Variants in RGS6 observed in about 807,000 individuals in gnomAD.
The protein encoded by RGS6 is regulator of G-protein signaling 6.
RGS6 carries 30 observed loss-of-function variants against 78.5 expected under a neutral mutation model. The observed-to-expected ratio is 0.38, with a 90% CI of 0.29 to 0.52. RGS6 has a LOEUF of 0.52. Among genes scored for constraint, RGS6 ranks in the 20% least tolerant of loss-of-function variants. The pLI, the probability that RGS6 is intolerant of heterozygous loss-of-function variation, is 0.85. For synonymous variants in RGS6, 206 were observed against 206.0 expected (o/e 1.00, Z 0.00); for missense variants, 495 against 609.7 (o/e 0.81, Z 1.98).
At chr14:72,112,970 T>G (rs970053542) in intron 2 of RGS6, among the ~76,000 whole-genome samples, 3 of 152,254 alleles carry the variant, frequency 2.0e-5, no homozygotes, top group Non-Finnish European at 2.9e-5. Context: ...AGTTCTCTTA[T>G]GGGTTGTCCC....
At chr14:72,601,088 G>A in the RGS6 span, among the ~76,000 whole-genome samples, 1 of 151,914 alleles carries the variant, frequency 6.6e-6, no homozygotes, top group African/African-American at 2.4e-5. Context: ...AAGAAGGGGA[G>A]GAAAGGGAAT....
intron 2 of RGS6, among the ~76,000 whole-genome samples, chr14:72,240,886 C>G (rs575667650): frequency 6.6e-6 from 1 of 152,110 alleles, no homozygotes; most frequent in Non-Finnish European, 1.5e-5. Flanking sequence ...TGGCCAGGCG[C>G]GGTGGCTCAC....
At chr14:72,354,397 G>T (rs1021843079) in intron 3 of RGS6, among the ~76,000 whole-genome samples, 2 of 151,554 alleles carry the variant, frequency 1.3e-5, no homozygotes, top group African/African-American at 4.9e-5. Context: ...AGGCTGAGGT[G>T]GGTGGATCAC....
At chr14:72,284,221 AT>A (rs2062081823) in intron 2 of RGS6, among the ~76,000 whole-genome samples, 1 of 152,234 alleles carries the variant, frequency 6.6e-6, no homozygotes, top group Non-Finnish European at 1.5e-5. Flanking sequence ...CTGAGGAGAA[AT>A]TCAAGCCGGC....
At chr14:72,134,021 T>C (rs530785422) in intron 2 of RGS6, among the ~76,000 whole-genome samples, 1 of 152,210 alleles carries the variant, frequency 6.6e-6, no homozygotes, top group Non-Finnish European at 1.5e-5. Context: ...CTGCTTTCAT[T>C]GATTGGAGTT....
chr14:71,882,332 C>T, the RGS6 span, among the ~76,000 whole-genome samples: 1 of 152,152 alleles, frequency 6.6e-6, no homozygotes, highest in South Asian at 2.1e-4. Context: ...GTGTATATCG[C>T]ATTTGGTTTA....
intron 2 of RGS6, among the ~76,000 whole-genome samples, chr14:72,146,745 C>G (rs898957047): frequency 6.6e-6 from 1 of 152,198 alleles, no homozygotes; most frequent in Non-Finnish European, 1.5e-5. Flanking sequence ...TCATTCTTTA[C>G]ATGGCCAGGC....
At chr14:72,021,099 A>G (rs2088355978) in intron 2 of RGS6, among the ~76,000 whole-genome samples, 1 of 152,152 alleles carries the variant, frequency 6.6e-6, no homozygotes, top group African/African-American at 2.4e-5. Flanking sequence ...TGATGGAGCC[A>G]TTTTCTCCCA....
At chr14:72,094,748 T>A (rs1351502061) in intron 2 of RGS6, among the ~76,000 whole-genome samples, 1 of 152,218 alleles carries the variant, frequency 6.6e-6, no homozygotes, top group East Asian at 1.9e-4. Flanking sequence ...ATACCTTAAT[T>A]ATGGGATTCT....
rs55686505 is a variant in RGS6 at position 71,936,015 on chromosome 14, GATATATATATATAT to G, written c.-21+3087_-21+3100del. Among the ~76,000 whole-genome samples, 12 of 63,784 alleles carry G rather than the reference GATATATATATATAT, an allele frequency of 1.9e-4. 1 individual carries two copies. The highest frequency in any genetic ancestry group is 1.8e-3 in the East Asian group (5 of 2,824). 41.8% of individuals were successfully genotyped at this position (63,784 alleles called of 152,430 possible). A position where few individuals can be genotyped will look rare whatever the true frequency, so the allele number is the denominator to read the frequency against. On this transcript the variant is annotated intron_variant, in intron 1 of 17. Transcript: ENST00000553525. ...TCTCTTAGAGGGACAGAACTAATAG[GATATATATATATAT>G]ATATATATATATGTACATATATATC...
chr14:72,229,780 C>G (rs2049083161), intron 2 of RGS6, among the ~76,000 whole-genome samples: 2 of 152,234 alleles, frequency 1.3e-5, no homozygotes, highest in African/African-American at 4.8e-5. Flanking sequence ...TCAAGATTCT[C>G]TCTCCCTTGC....
chr14:72,119,622 C>T (rs990375928), intron 2 of RGS6, among the ~76,000 whole-genome samples: 5 of 152,060 alleles, frequency 3.3e-5, no homozygotes, highest in Non-Finnish European at 7.4e-5. Context: ...TTTTAGCCAT[C>T]TATGAGCAAA....
intron 2 of RGS6, among the ~76,000 whole-genome samples, chr14:72,027,811 C>G (rs559132791): frequency 2.6e-5 from 4 of 152,180 alleles, no homozygotes; most frequent in Non-Finnish European, 5.9e-5. Flanking sequence ...TCCGGATCAC[C>G]TTTCTTACAG....
chr14:71,911,355 A>G, the RGS6 span, among the ~76,000 whole-genome samples: 1 of 152,230 alleles, frequency 6.6e-6, no homozygotes, highest in Admixed American at 6.5e-5. Context: ...CCCATTTGCC[A>G]GGATGGGCAA....
intron 17 of RGS6, among the ~76,000 whole-genome samples, chr14:72,560,831 TGTGTGTG>T: frequency 6.9e-6 from 1 of 145,744 alleles, no homozygotes; most frequent in Non-Finnish European, 1.5e-5. Context: ...TGTGTGTGTG[TGTGTGTG>T]TTTAAGATGG....
At chr14:72,349,838 G>T (rs961526012) in intron 2 of RGS6, among the ~76,000 whole-genome samples, 3 of 152,150 alleles carry the variant, frequency 2.0e-5, no homozygotes, top group Non-Finnish European at 2.9e-5. Flanking sequence ...CCACTCCGGG[G>T]TCTACCTGAA....
the RGS6 span, among the ~76,000 whole-genome samples, chr14:72,625,335 G>A: frequency 6.8e-3 from 1,033 of 152,096 alleles, 13 homozygotes; most frequent in African/African-American, 0.024. Flanking sequence ...ACCTAATAAT[G>A]TCATTATTTT....
chr14:71,946,917 A>G (rs1167757196), intron 1 of RGS6, among the ~76,000 whole-genome samples: 1 of 152,246 alleles, frequency 6.6e-6, no homozygotes, highest in Non-Finnish European at 1.5e-5. Context: ...AAACTGTTCA[A>G]TAAGTATTTG....
intron 2 of RGS6, among the ~76,000 whole-genome samples, chr14:71,996,225 C>G (rs1275686468): frequency 6.6e-6 from 1 of 151,952 alleles, no homozygotes; most frequent in Non-Finnish European, 1.5e-5. Flanking sequence ...ATTGTTTCCC[C>G]CAGCTGTATT....
Sources: allele counts gnomAD v4.1 joint callset (sites outside exome capture counted in the v4.1 genomes callset), GRCh38; gene constraint gnomAD v4.1.1; transcripts MANE v1.5; gene names NCBI Gene and HGNC (gene_info 2026-07-23, HGNC 2026-07-21).